Variants in PTCD2 observed in about 807,000 individuals in gnomAD.
PTCD2 encodes the protein pentatricopeptide repeat-containing protein 2, mitochondrial.
A neutral mutation model predicts 42.6 loss-of-function variants in PTCD2; 31 were observed. The ratio of observed to expected loss-of-function variants is 0.73; its 90% CI spans 0.55 to 0.98. PTCD2 has a LOEUF of 0.98. Among genes scored for constraint, PTCD2 ranks in the 50% least tolerant of loss-of-function variants. The pLI is 0.00. For synonymous variants in PTCD2, 183 were observed against 170.9 expected (o/e 1.07, Z -0.55); for missense variants, 476 against 454.8 (o/e 1.05, Z -0.42).
chr5:72,351,837 T>C (rs555138713), intron 8 of PTCD2, among the ~76,000 whole-genome samples: 5 of 152,216 alleles, frequency 3.3e-5, no homozygotes, highest in African/African-American at 1.2e-4. Context: ...CCAAACCATA[T>C]CACTAGTCTT....
rs1753001300 is a variant in PTCD2 at position 72,358,564 on chromosome 5, A to G, written c.*137A>G. 157 of 663,768 alleles carry G rather than the reference A, an allele frequency of 2.4e-4. 2 individuals are homozygous for G. The South Asian group carries it at 2.7e-3, about 11-fold the overall frequency. The allele number at this position is 663,768 out of a possible 1,614,324, so 41.1% of individuals were successfully genotyped here. A position where few individuals can be genotyped will look rare whatever the true frequency, so the allele number is the denominator to read the frequency against. ...TCTCCTGAAATTCCCAAATTCACTG[A>G]ATGGTACCATGCCGATCTCTGAGAA... On this transcript the variant is annotated 3_prime_UTR_variant, in exon 10 of 10. Transcript: ENST00000380639.
rs7713165 is a variant in PTCD2 at position 72,363,629 on chromosome 5, C to T, written c.*5202C>T. ...GCCTTTTAGAGGGTCATGCCAGCAC[C>T]CACTGCTGAGGTCTGTAGTCTCTAC... On this transcript the variant is annotated 3_prime_UTR_variant, in exon 10 of 10. Coordinates refer to ENST00000380639, the MANE Select transcript of PTCD2 (RefSeq NM_024754.5). 0.063 allele frequency: 9,522 copies of T among 152,210 alleles called. 548 individuals are homozygous for T. The highest frequency in any genetic ancestry group is 0.15 in the African/African-American group (6,325 of 41,482). The allele number at this position is 152,210 out of a possible 1,614,324, so 9.4% of individuals were successfully genotyped here.
chr5:72,329,766 A>C (rs924023551), intron 3 of PTCD2, among the ~76,000 whole-genome samples: 1 of 152,148 alleles, frequency 6.6e-6, no homozygotes, highest in Non-Finnish European at 1.5e-5. Context: ...AGGAGACGGA[A>C]GCACAGAGTA....
chr5:72,326,762 GT>G (rs772101256), intron 3 of PTCD2, 21 bp downstream of exon 3: 14 of 1,611,876 alleles, frequency 8.7e-6, no homozygotes, highest in Non-Finnish European at 1.0e-5. Context: ...TCCTTAGAAT[GT>G]TGCCACCCTT....
chr5:72,356,489 A>G (rs1432956456), intron 9 of PTCD2, among the ~76,000 whole-genome samples: 1 of 97,576 alleles, frequency 1.0e-5, no homozygotes, highest in Non-Finnish European at 2.0e-5. Context: ...GGAGTCCTAT[A>G]TTGTAAACGT....
chr5:72,343,012 A>G lies in PTCD2; in HGVS notation c.804A>G (p.Glu268=), dbSNP rs1482977301. Residue 268 remains glutamate (E), a synonymous_variant, in exon 8 of 10, where the codon GAA becomes GAG. Coordinates refer to ENST00000380639, the MANE Select transcript of PTCD2 (RefSeq NM_024754.5). ...VSIFSQIMNP[E]SIACINLNII... ...TTTTTTCTCAAATCATGAATCCAGA[A>G]AGCATAGCCTGCATTAATTTAAATG... 2.5e-6 allele frequency: 4 copies of G among 1,597,198 alleles called. No individual in the cohort carries two copies. The highest frequency in any genetic ancestry group is 2.6e-6 in the Non-Finnish European group (3 of 1,170,668).
rs565209341 is a variant in PTCD2, at chr5:72,354,639, G to T, written c.942+1885G>T. On this transcript the variant is annotated intron_variant, in intron 9 of 9. Coordinates refer to ENST00000380639, the MANE Select transcript of PTCD2 (RefSeq NM_024754.5). ...TTGGTGAGGCTCTGAGGAAATGGGC[G>T]CTATCATCTGAGGAAATGCTGCTAC... is the stretch of plus-strand genomic sequence containing the variant. Among the ~76,000 whole-genome samples the T allele has an allele frequency of 3.9e-5, 6 of 152,244 alleles. No homozygotes were observed. The East Asian group carries it at 5.8e-4, about 15-fold the overall frequency.
intron 3 of PTCD2, among the ~76,000 whole-genome samples, 176 bp from the exon 4 acceptor site, chr5:72,331,082 A>G (rs548936929): frequency 1.3e-5 from 2 of 152,242 alleles, no homozygotes; most frequent in East Asian, 3.9e-4. Context: ...TGATTGGTGT[A>G]CTTCTGCACT....
At chr5:72,326,509 C>A in intron 2 of PTCD2, 103 bp from the exon 3 acceptor site, 1 of 1,253,902 alleles carries the variant, frequency 8.0e-7, no homozygotes, top group Non-Finnish European at 1.1e-6. Flanking sequence ...CTCAGTGCCC[C>A]TCTGCAGTGA....
rs544159255 is a variant in PTCD2 at position 72,366,350 on chromosome 5, C to T, written c.*7923C>T. 1.4e-4 allele frequency: 21 copies of T among 152,292 alleles called. No homozygotes were observed. Among genetic ancestry groups the T allele is most frequent in the African/African-American group, 5.1e-4 (21 of 41,560 alleles). The allele number at this position is 152,292 out of a possible 1,614,324, so 9.4% of individuals were successfully genotyped here. Reference sequence around the variant, plus strand: ...AGATAAAGAAACTGAAGCTCAGAGACGTTTAGTTGCTTGCCTGTGGATATA... The same window carrying T: ...AGATAAAGAAACTGAAGCTCAGAGATGTTTAGTTGCTTGCCTGTGGATATA... On this transcript the variant is annotated 3_prime_UTR_variant, in exon 10 of 10. Transcript: ENST00000380639.
intron 9 of PTCD2, among the ~76,000 whole-genome samples, 194 bp from the exon 10 acceptor site, chr5:72,358,009 A>G (rs1288401813): frequency 6.6e-6 from 1 of 152,158 alleles, no homozygotes; most frequent in Admixed American, 6.6e-5. Flanking sequence ...TGTGTTGCCT[A>G]GGCTGGCCTA....
Position 72,364,381 on chromosome 5 carries a change from T to A in PTCD2, c.*5954T>A, listed in dbSNP as rs537654829. ...GTAATCTTCATATCACCCTGTGGCA[T>A]GTATAAAGGAAGACCTTTTGCTGGT... is the stretch of plus-strand genomic sequence containing the variant. On this transcript the variant is annotated 3_prime_UTR_variant, in exon 10 of 10. Transcript: ENST00000380639. The A allele has an allele frequency of 2.6e-5, 4 of 152,248 alleles. No homozygotes were observed. The highest frequency in any genetic ancestry group is 5.9e-5 in the Non-Finnish European group (4 of 68,048). 9.4% of individuals were successfully genotyped at this position (152,248 alleles called of 1,614,324 possible). A position where few individuals can be genotyped will look rare whatever the true frequency, so the allele number is the denominator to read the frequency against.
At chr5:72,347,286 A>G (rs1752404598) in intron 8 of PTCD2, among the ~76,000 whole-genome samples, 1 of 152,206 alleles carries the variant, frequency 6.6e-6, no homozygotes, top group Admixed American at 6.5e-5. Context: ...TAAAAAGAAC[A>G]CAAGACTGGA....
intron 4 of PTCD2, among the ~76,000 whole-genome samples, chr5:72,332,820 A>C (rs1012743000): frequency 1.3e-5 from 2 of 152,198 alleles, no homozygotes; most frequent in Non-Finnish European, 1.5e-5. Flanking sequence ...ACATGGAGTC[A>C]TTGAACTGTG....
In PTCD2 at chr5:72,342,987, T is replaced by C. The variant is rs370024052; in HGVS notation, c.779T>C (p.Ile260Thr). Residue 260 changes from isoleucine (I) to threonine (T), a missense_variant, in exon 8 of 10, where the codon ATT becomes ACT. Ile to Thr is a moderately conservative substitution (Grantham distance 89). Transcript: ENST00000380639. ...AATGAGATGGCAAAAGCTGTGTCCATTTTTTCTCAAATCATGAATCCAGAA... is the reference window on the plus strand; with the variant it reads ...AATGAGATGGCAAAAGCTGTGTCCACTTTTTCTCAAATCATGAATCCAGAA... ...NQNEMAKAVS[I>T]FSQIMNPESI... 56 of 1,600,262 alleles carry C rather than the reference T, an allele frequency of 3.5e-5. No homozygotes were observed. The highest frequency in any genetic ancestry group is 4.5e-5 in the Non-Finnish European group (53 of 1,173,054).
In PTCD2 at chr5:72,352,625, T is replaced by A; in HGVS notation, c.829-16T>A. 7.6e-7 allele frequency: 1 copy of A among 1,316,658 alleles called. No homozygotes were observed. Among genetic ancestry groups the A allele is most frequent in the Non-Finnish European group, 1.1e-6 (1 of 915,350 alleles). 81.6% of individuals were successfully genotyped at this position (1,316,658 alleles called of 1,614,324 possible). On this transcript the variant is annotated splice_polypyrimidine_tract_variant and intron_variant, in intron 8 of 9. Coordinates refer to ENST00000380639, the MANE Select transcript of PTCD2 (RefSeq NM_024754.5). ...TCACTCAGTCTTGGTTTTGCTTGTG[T>A]CTTCTTAATATTCAGATTATAATCC...
At chr5:72,342,549 T>C (rs554429143) in intron 7 of PTCD2, among the ~76,000 whole-genome samples, 2 of 152,340 alleles carry the variant, frequency 1.3e-5, no homozygotes, top group South Asian at 4.1e-4. Context: ...TGCCTCTGAC[T>C]GCTTTCTCCT....
intron 6 of PTCD2, among the ~76,000 whole-genome samples, chr5:72,337,622 C>T (rs537887857): frequency 2.6e-5 from 4 of 152,128 alleles, no homozygotes; most frequent in Admixed American, 2.6e-4. Context: ...ATGGTGAAAC[C>T]CTGTCTCTAC....
intron 3 of PTCD2, among the ~76,000 whole-genome samples, chr5:72,329,811 G>A (rs1751342267): frequency 6.6e-6 from 1 of 152,094 alleles, no homozygotes; most frequent in South Asian, 2.1e-4. Flanking sequence ...ACAAGTAGAA[G>A]AGCTAGGATT....
Sources: allele counts gnomAD v4.1 joint callset (sites outside exome capture counted in the v4.1 genomes callset), GRCh38; gene constraint gnomAD v4.1.1; transcripts MANE v1.5; gene names NCBI Gene and HGNC (gene_info 2026-07-23, HGNC 2026-07-21).